Variants in UNC5C observed in about 807,000 individuals in gnomAD.
UNC5C encodes the protein netrin receptor UNC5C.
In UNC5C, 47 loss-of-function variants were observed where a neutral mutation model predicts 99.8. The ratio of observed to expected loss-of-function variants is 0.47; its 90% CI spans 0.37 to 0.60. The LOEUF (loss-of-function observed/expected upper bound fraction) is 0.60. Ranked by LOEUF, UNC5C falls within the 20% of genes least tolerant of loss-of-function variation. The pLI, the probability that UNC5C is intolerant of heterozygous loss-of-function variation, is 0.00. For synonymous variants in UNC5C, 487 were observed against 452.2 expected (o/e 1.08, Z -0.98); for missense variants, 1,062 against 1,165.9 (o/e 0.91, Z 1.30).
chr4:95,179,690 T>G (rs1439691696), intron 14 of UNC5C, among the ~76,000 whole-genome samples: 1 of 141,976 alleles, frequency 7.0e-6, no homozygotes, highest in Non-Finnish European at 1.5e-5. Context: ...GAGGTTGCAG[T>G]GAGCTGAAGT....
intron 1 of UNC5C, among the ~76,000 whole-genome samples, chr4:95,352,916 T>C (rs890281050): frequency 6.6e-6 from 1 of 152,160 alleles, no homozygotes; most frequent in Admixed American, 6.6e-5. Flanking sequence ...CCCAAATGAA[T>C]GTGGAATTAT....
At chr4:95,280,578 A>G (rs1229997610) in intron 3 of UNC5C, among the ~76,000 whole-genome samples, 1 of 151,990 alleles carries the variant, frequency 6.6e-6, no homozygotes, top group Non-Finnish European at 1.5e-5. Context: ...AGTCCTAGCT[A>G]CTCGGGAAGC....
chr4:95,269,375 G>A (rs1740571951), intron 4 of UNC5C, among the ~76,000 whole-genome samples: 1 of 152,156 alleles, frequency 6.6e-6, no homozygotes, highest in Non-Finnish European at 1.5e-5. Context: ...TGCAGCTGTG[G>A]CTTCGACCTC....
chr4:95,453,845 C>G (rs148323066), intron 1 of UNC5C, among the ~76,000 whole-genome samples: 38 of 152,184 alleles, frequency 2.5e-4, no homozygotes, highest in African/African-American at 9.1e-4. Flanking sequence ...GATTTCACAT[C>G]CTAGTCCTCC....
intron 1 of UNC5C, among the ~76,000 whole-genome samples, chr4:95,484,810 A>G (rs1273586658): frequency 6.6e-6 from 1 of 151,864 alleles, no homozygotes; most frequent in African/African-American, 2.4e-5. Flanking sequence ...CAGTTCTGAG[A>G]TGACAGTGGC....
At chr4:95,247,251 G>T (rs1424301085) in intron 5 of UNC5C, among the ~76,000 whole-genome samples, 1 of 151,888 alleles carries the variant, frequency 6.6e-6, no homozygotes, top group Admixed American at 6.6e-5. Flanking sequence ...ATGAAATACT[G>T]GTTAGATATA....
chr4:95,383,885 T>C (rs1213239261), intron 1 of UNC5C, among the ~76,000 whole-genome samples: 1 of 152,208 alleles, frequency 6.6e-6, no homozygotes, highest in African/African-American at 2.4e-5. Flanking sequence ...ACATGTAACC[T>C]TTCCATCTTA....
chr4:95,249,776 C>G (rs922931613), intron 5 of UNC5C, among the ~76,000 whole-genome samples: 2 of 152,140 alleles, frequency 1.3e-5, no homozygotes, highest in Non-Finnish European at 2.9e-5. Flanking sequence ...GAAGTTGCTT[C>G]GTTGGACTTT....
chr4:95,252,991 A>T (rs1259458952), intron 4 of UNC5C, among the ~76,000 whole-genome samples: 1 of 152,198 alleles, frequency 6.6e-6, no homozygotes, highest in South Asian at 2.1e-4. Context: ...TCATGTTTGA[A>T]CTTGGGTCCC....
At position 95,355,852 on chromosome 4, in the gene UNC5C, T is replaced by C. The variant is rs1047456805; in HGVS notation, c.125-20221A>G. 2.0e-5 allele frequency among the ~76,000 whole-genome samples: 3 copies of C among 152,308 alleles called. No individual in the cohort carries two copies. The East Asian group carries it at 5.8e-4, about 29-fold the overall frequency. ...ATATAAAAGTCAATACTCTTCATTT[T>C]ACTACTTTTAATAAACAATACGTTA... On this transcript the variant is annotated intron_variant, in intron 1 of 15. Transcript: ENST00000453304.
At chr4:95,422,618 A>G (rs1431529078) in intron 1 of UNC5C, among the ~76,000 whole-genome samples, 1 of 152,158 alleles carries the variant, frequency 6.6e-6, no homozygotes, top group Non-Finnish European at 1.5e-5. Context: ...CGTCGCCTCA[A>G]CCTTCTTAAC....
intron 1 of UNC5C, among the ~76,000 whole-genome samples, chr4:95,351,253 G>A (rs1261986442): frequency 6.6e-6 from 1 of 151,836 alleles, no homozygotes; most frequent in East Asian, 1.9e-4. Flanking sequence ...AGGGTGAAGG[G>A]CAGTGCCTAT....
Position 95,169,073 on chromosome 4 carries a change from G to T in UNC5C, c.*161C>A. 1.2e-6 allele frequency: 1 copy of T among 808,602 alleles called. No individual in the cohort carries two copies. Among genetic ancestry groups the T allele is most frequent in the Non-Finnish European group, 1.9e-6 (1 of 513,742 alleles). 50.1% of individuals were successfully genotyped at this position (808,602 alleles called of 1,614,324 possible). A position where few individuals can be genotyped will look rare whatever the true frequency, so the allele number is the denominator to read the frequency against. On this transcript the variant is annotated 3_prime_UTR_variant, in exon 16 of 16. Coordinates refer to ENST00000453304, the MANE Select transcript of UNC5C (RefSeq NM_003728.4). ...GATGATGTCCGAGTAAAGTGGGCAT[G>T]TACATGGGCAGTTGTATCTGTTTTC...
chr4:95,162,939 G>C lies in UNC5C; in HGVS notation c.*6295C>G, dbSNP rs749745687. The C allele has an allele frequency of 6.6e-6, 1 of 152,152 alleles. No homozygotes were observed. Among genetic ancestry groups the C allele is most frequent in the Non-Finnish European group, 1.5e-5 (1 of 68,036 alleles). The allele number at this position is 152,152 out of a possible 1,614,324, so 9.4% of individuals were successfully genotyped here. ...GTGGATGACACTGCCTCTTCAACAC[G>C]ACTGCTGGGGATTTTTCTCTGACAA... On this transcript the variant is annotated 3_prime_UTR_variant, in exon 16 of 16. Coordinates refer to ENST00000453304, the MANE Select transcript of UNC5C (RefSeq NM_003728.4).
At chr4:95,274,859 C>G (rs112366472) in intron 4 of UNC5C, among the ~76,000 whole-genome samples, 5 of 152,182 alleles carry the variant, frequency 3.3e-5, no homozygotes, top group African/African-American at 1.2e-4. Flanking sequence ...AACCCCGTCT[C>G]TACTAAAAAT....
chr4:95,195,557 G>A (rs1229905198), intron 12 of UNC5C, among the ~76,000 whole-genome samples: 1 of 152,172 alleles, frequency 6.6e-6, no homozygotes, highest in African/African-American at 2.4e-5. Context: ...GAAGAAGCAA[G>A]CGTGAGGAGT....
intron 1 of UNC5C, among the ~76,000 whole-genome samples, chr4:95,488,641 C>T (rs1034346953): frequency 6.6e-6 from 1 of 151,696 alleles, no homozygotes; most frequent in African/African-American, 2.4e-5. Context: ...ACAACAGGAA[C>T]TCGTAATACA....
At chr4:95,478,668 T>G (rs2149476901) in intron 1 of UNC5C, among the ~76,000 whole-genome samples, 1 of 152,178 alleles carries the variant, frequency 6.6e-6, no homozygotes, top group East Asian at 1.9e-4. Flanking sequence ...ATTTTGTTTT[T>G]TAACTCTGTC....
chr4:95,286,282 TG>T (rs1333344500), intron 3 of UNC5C, among the ~76,000 whole-genome samples: 2 of 152,222 alleles, frequency 1.3e-5, no homozygotes, highest in East Asian at 3.8e-4. Context: ...GGTATTACCC[TG>T]CTGTGCTTGA....
Sources: allele counts gnomAD v4.1 joint callset (sites outside exome capture counted in the v4.1 genomes callset), GRCh38; gene constraint gnomAD v4.1.1; transcripts MANE v1.5; gene names NCBI Gene and HGNC (gene_info 2026-07-23, HGNC 2026-07-21).